Variants in GRID1 observed in about 807,000 individuals in gnomAD.
GRID1 encodes the protein glutamate receptor ionotropic, delta-1.
A neutral mutation model predicts 98.0 loss-of-function variants in GRID1; 28 were observed. The observed-to-expected ratio is 0.29, with a 90% CI of 0.21 to 0.39. GRID1 has a LOEUF of 0.39. Ranked by LOEUF, GRID1 falls within the 10% of genes least tolerant of loss-of-function variation. The pLI is 1.00. For synonymous variants in GRID1, 553 were observed against 538.5 expected (o/e 1.03, Z -0.37); for missense variants, 1,111 against 1,340.5 (o/e 0.83, Z 2.67).
At chr10:85,642,352 C>G (rs1843132121) in intron 13 of GRID1, among the ~76,000 whole-genome samples, 1 of 152,164 alleles carries the variant, frequency 6.6e-6, no homozygotes, top group South Asian at 2.1e-4. Context: ...CGGAAGCAGC[C>G]TCTCTCCTCT....
chr10:86,263,986 T>C (rs1847063151), intron 2 of GRID1, among the ~76,000 whole-genome samples: 1 of 152,186 alleles, frequency 6.6e-6, no homozygotes, highest in African/African-American at 2.4e-5. Flanking sequence ...TCCAGGAGCC[T>C]CTGCAAGTTC....
Position 86,311,670 on chromosome 10 carries a change from A to T in GRID1, c.235+52271T>A, listed in dbSNP as rs541931949. ...TCTCTCTCCCTCTGCCCTTCCATCCATCCAACCTGAGAGTTCAAAACTTAA... is the reference window on the plus strand; with the variant it reads ...TCTCTCTCCCTCTGCCCTTCCATCCTTCCAACCTGAGAGTTCAAAACTTAA... On this transcript the variant is annotated intron_variant, in intron 2 of 15. Transcript: ENST00000327946. Among the ~76,000 whole-genome samples, 17 of 152,124 alleles carry T rather than the reference A, an allele frequency of 1.1e-4. No homozygotes were observed. In the South Asian group the frequency reaches 1.9e-3, roughly 17 times the overall value.
At chr10:85,642,701 C>A (rs1843137312) in intron 13 of GRID1, among the ~76,000 whole-genome samples, 1 of 152,164 alleles carries the variant, frequency 6.6e-6, no homozygotes, top group African/African-American at 2.4e-5. Context: ...CTCATCAAAG[C>A]CTGACAAGGT....
intron 5 of GRID1, among the ~76,000 whole-genome samples, chr10:85,874,629 G>T (rs567395100): frequency 6.6e-6 from 1 of 152,052 alleles, no homozygotes; most frequent in Non-Finnish European, 1.5e-5. Context: ...TCTTCTCCAC[G>T]TTCAGGAATG....
At chr10:86,276,503 CTTT>C (rs547471621) in intron 2 of GRID1, among the ~76,000 whole-genome samples, 1 of 142,542 alleles carries the variant, frequency 7.0e-6, no homozygotes, top group Non-Finnish European at 1.5e-5. Flanking sequence ...CTCAATACGA[CTTT>C]TTTTTTTTTT....
Position 85,694,592 on chromosome 10 carries a change from A to C in GRID1, c.1997+28411T>G, listed in dbSNP as rs953573824. 1.2e-3 allele frequency among the ~76,000 whole-genome samples: 126 copies of C among 108,282 alleles called. 1 individual carries two copies. Among genetic ancestry groups the C allele is most frequent in the Non-Finnish European group, 1.1e-3 (57 of 50,760 alleles). 71.0% of individuals were successfully genotyped at this position (108,282 alleles called of 152,430 possible). A position where few individuals can be genotyped will look rare whatever the true frequency, so the allele number is the denominator to read the frequency against. Reference sequence around the variant, plus strand: ...TATATATATATATATATATATATATATATATATATAATGGAATATTATTCA... The same window carrying C: ...TATATATATATATATATATATATATCTATATATATAATGGAATATTATTCA... On this transcript the variant is annotated intron_variant, in intron 12 of 15. Transcript: ENST00000327946.
intron 8 of GRID1, among the ~76,000 whole-genome samples, chr10:85,800,799 A>G (rs1174016847): frequency 6.6e-6 from 1 of 152,016 alleles, no homozygotes; most frequent in East Asian, 1.9e-4. Flanking sequence ...CATCATAACA[A>G]CCTATGAGGT....
chr10:86,077,121 C>G (rs1843893954), intron 4 of GRID1, among the ~76,000 whole-genome samples: 1 of 136,686 alleles, frequency 7.3e-6, no homozygotes, highest in Non-Finnish European at 1.6e-5. Flanking sequence ...AACGAGGAGC[C>G]TTCCGCGGGG....
intron 5 of GRID1, among the ~76,000 whole-genome samples, chr10:85,874,744 T>G (rs1336021974): frequency 6.6e-6 from 1 of 152,248 alleles, no homozygotes; most frequent in East Asian, 1.9e-4. Context: ...ACGTTTCATG[T>G]GCATTCACTG....
At chr10:86,028,115 C>T (rs945176848) in intron 4 of GRID1, among the ~76,000 whole-genome samples, 22 of 152,220 alleles carry the variant, frequency 1.4e-4, no homozygotes, top group Admixed American at 1.4e-3. Flanking sequence ...CATTCACCCA[C>T]CAGGTGTGTG....
At chr10:85,834,877 A>C (rs932592239) in intron 8 of GRID1, among the ~76,000 whole-genome samples, 2 of 152,218 alleles carry the variant, frequency 1.3e-5, no homozygotes, top group African/African-American at 4.8e-5. Flanking sequence ...AAGGATGTAA[A>C]TATGCCAATT....
intron 10 of GRID1, 77 bp from the exon 11 acceptor site, chr10:85,724,753 C>A: frequency 8.3e-7 from 1 of 1,210,556 alleles, no homozygotes. Flanking sequence ...AAGGTCCACC[C>A]TCTGTCCTTT....
At chr10:85,618,754 G>A (rs1023231948) in intron 14 of GRID1, among the ~76,000 whole-genome samples, 2 of 152,112 alleles carry the variant, frequency 1.3e-5, no homozygotes, top group Non-Finnish European at 2.9e-5. Context: ...GAGAAGGGAG[G>A]TCGTGGTGCT....
chr10:86,359,932 T>C (rs116683958), intron 2 of GRID1, among the ~76,000 whole-genome samples: 1,664 of 152,356 alleles, frequency 0.011, 33 homozygotes, highest in African/African-American at 0.037. Flanking sequence ...TTAAATGTCC[T>C]TTCTGTGTTA....
intron 2 of GRID1, among the ~76,000 whole-genome samples, chr10:86,213,413 A>G (rs1282401470): frequency 6.6e-6 from 1 of 151,884 alleles, no homozygotes; most frequent in Non-Finnish European, 1.5e-5. Flanking sequence ...CCCAAGTTCA[A>G]CGAATGACTT....
At chr10:86,217,714 G>A (rs151168962) in intron 2 of GRID1, among the ~76,000 whole-genome samples, 1 of 152,320 alleles carries the variant, frequency 6.6e-6, no homozygotes, top group African/African-American at 2.4e-5. Flanking sequence ...CATGGGAACA[G>A]AGAATGTCCA....
chr10:85,610,296 C>T (rs563556975), intron 15 of GRID1, among the ~76,000 whole-genome samples: 1 of 152,150 alleles, frequency 6.6e-6, no homozygotes, highest in African/African-American at 2.4e-5. Flanking sequence ...CCTGCCTATT[C>T]CCTGCATGAT....
intron 4 of GRID1, among the ~76,000 whole-genome samples, chr10:85,962,679 T>A (rs12775404): frequency 0.12 from 18,809 of 152,084 alleles, 1,535 homozygotes; most frequent in Non-Finnish European, 0.18. Flanking sequence ...GGAGACTGAG[T>A]GTCTAAAGCA....
chr10:85,986,583 A>G (rs1842611557), intron 4 of GRID1, among the ~76,000 whole-genome samples: 1 of 152,140 alleles, frequency 6.6e-6, no homozygotes, highest in South Asian at 2.1e-4. Context: ...CGCCAGCCAC[A>G]TTGGAGAAGG....
Sources: allele counts gnomAD v4.1 joint callset (sites outside exome capture counted in the v4.1 genomes callset), GRCh38; gene constraint gnomAD v4.1.1; transcripts MANE v1.5; gene names NCBI Gene and HGNC (gene_info 2026-07-23, HGNC 2026-07-21).